Variants in PALS2 observed in about 807,000 individuals in gnomAD.
PALS2 encodes the protein protein associated with LIN7 2, MAGUK p55 family member, also known as protein PALS2.
In PALS2, 27 loss-of-function variants were observed where a neutral mutation model predicts 61.6. The observed-to-expected ratio is 0.44, with a 90% CI of 0.32 to 0.60. The LOEUF is 0.60. PALS2 is among the 20% of genes least tolerant of loss of function. PALS2 has a pLI of 0.05. For missense variants in PALS2, 554 were observed against 639.4 expected, an observed-to-expected ratio of 0.87 and a Z score of 1.44; for synonymous variants, 236 against 218.6, an observed-to-expected ratio of 1.08 and a Z score of -0.70.
At chr7:24,662,450 A>G (rs1233387090) in intron 5 of PALS2, among the ~76,000 whole-genome samples, 2 of 152,190 alleles carry the variant, frequency 1.3e-5, no homozygotes, top group Admixed American at 1.3e-4. Flanking sequence ...ATTTCTATAA[A>G]TATATATAAA....
At chr7:24,615,396 A>G (rs1340538736) in intron 1 of PALS2, among the ~76,000 whole-genome samples, 2 of 151,994 alleles carry the variant, frequency 1.3e-5, no homozygotes, top group Non-Finnish European at 2.9e-5. Flanking sequence ...AAAATCAGAA[A>G]CAAAACATGT....
intron 1 of PALS2, among the ~76,000 whole-genome samples, chr7:24,609,220 T>C (rs1027202322): frequency 6.6e-5 from 10 of 152,182 alleles, no homozygotes; most frequent in African/African-American, 2.2e-4. Flanking sequence ...TTATATCTGA[T>C]GAGGATTTCC....
chr7:24,655,910 G>A (rs1026599139), intron 5 of PALS2, among the ~76,000 whole-genome samples: 1 of 152,100 alleles, frequency 6.6e-6, no homozygotes, highest in Non-Finnish European at 1.5e-5. Context: ...AGAAAGGAAC[G>A]TGGATTGCCC....
chr7:24,674,457 T>G (rs1787460168), intron 9 of PALS2: 1 of 153,068 alleles, frequency 6.5e-6, no homozygotes. Context: ...AAGACAATTA[T>G]CAAGGGCTTA....
chr7:24,684,270 T>G (rs916091373), intron 11 of PALS2, among the ~76,000 whole-genome samples: 1 of 152,198 alleles, frequency 6.6e-6, no homozygotes, highest in African/African-American at 2.4e-5. Context: ...CAGCTAACTT[T>G]TGTATTTTTA....
chr7:24,684,742 G>C (rs78749452), intron 11 of PALS2, among the ~76,000 whole-genome samples: 1,525 of 152,068 alleles, frequency 0.01, 9 homozygotes, highest in Non-Finnish European at 0.015. Flanking sequence ...TATTCTTCTT[G>C]GGCTTTATAT....
intron 7 of PALS2, 98 bp downstream of exon 7, chr7:24,665,785 T>C: frequency 8.7e-7 from 1 of 1,144,222 alleles, no homozygotes; most frequent in East Asian, 2.4e-5. Context: ...TTAAAATATG[T>C]CTAGAATGAA....
intron 1 of PALS2, among the ~76,000 whole-genome samples, chr7:24,586,876 A>G (rs575377020): frequency 6.6e-6 from 1 of 152,200 alleles, no homozygotes; most frequent in African/African-American, 2.4e-5. Context: ...CAAATTCACC[A>G]TGACAAACCA....
At chr7:24,681,038 G>C (rs1292077453) in intron 11 of PALS2, among the ~76,000 whole-genome samples, 1 of 151,938 alleles carries the variant, frequency 6.6e-6, no homozygotes, top group East Asian at 1.9e-4. Context: ...CAAAAGTTTA[G>C]TTCCCCTTTG....
intron 9 of PALS2, among the ~76,000 whole-genome samples, chr7:24,672,212 T>G (rs1189806197): frequency 1.5e-5 from 2 of 132,488 alleles, no homozygotes; most frequent in Admixed American, 7.4e-5. Context: ...TGTTTTGTTT[T>G]GTTTTGTTTT....
intron 1 of PALS2, among the ~76,000 whole-genome samples, chr7:24,602,172 C>G (rs1289876470): frequency 1.3e-5 from 2 of 151,886 alleles, no homozygotes; most frequent in Non-Finnish European, 2.9e-5. Context: ...TTTCTTTCTG[C>G]TTTTGTATTT....
chr7:24,637,482 A>T (rs1459889713), intron 2 of PALS2, among the ~76,000 whole-genome samples: 3 of 152,086 alleles, frequency 2.0e-5, no homozygotes, highest in Admixed American at 1.3e-4. Context: ...AGAATAAAAG[A>T]AGAGGGTGGT....
At chr7:24,613,493 A>G (rs993618357) in intron 1 of PALS2, among the ~76,000 whole-genome samples, 1 of 151,750 alleles carries the variant, frequency 6.6e-6, no homozygotes, top group Non-Finnish European at 1.5e-5. Context: ...GTACATATTT[A>G]TGGGGTACTT....
rs774702657 is a variant in PALS2 at position 24,680,472 on chromosome 7, C to G, written c.1398C>G (p.Ala466=). The G allele has an allele frequency of 6.2e-7, 1 of 1,614,078 alleles. No homozygotes were observed. The highest frequency in any genetic ancestry group is 1.1e-5 in the South Asian group (1 of 91,078). Residue 466 remains alanine (A), a synonymous_variant, in exon 11 of 12, where the codon GCC becomes GCG. Transcript: ENST00000222644. The stretch of plus-strand genomic sequence containing the variant: ...CTCCGGAGCTAGAGACGTTACGTGC[C>G]ATGCACAAGGCTGTGGTGGATGCAG... ...IAAPELETLR[A]MHKAVVDAGI...
rs149515606 is a variant in PALS2 at position 24,630,198 on chromosome 7, A to G, written c.117+6414A>G. Reference sequence around the variant, plus strand: ...TGCAGGGACATTGATAGAGCTGTAAACCATCATTTTCAGCAAAATAACACA... The same window carrying G: ...TGCAGGGACATTGATAGAGCTGTAAGCCATCATTTTCAGCAAAATAACACA... On this transcript the variant is annotated intron_variant, in intron 2 of 11. Coordinates refer to ENST00000222644, the MANE Select transcript of PALS2 (RefSeq NM_001303037.2). Among the ~76,000 whole-genome samples the G allele has an allele frequency of 8.6e-4, 131 of 152,318 alleles. 2 individuals carry two copies. Among genetic ancestry groups the G allele is most frequent in the African/African-American group, 3.0e-3 (125 of 41,570 alleles).
intron 5 of PALS2, 108 bp downstream of exon 5, chr7:24,650,820 T>C: frequency 1.3e-6 from 1 of 790,774 alleles, no homozygotes; most frequent in Non-Finnish European, 1.9e-6. Context: ...AGAGAAAAAA[T>C]TGATTTGAGT....
intron 2 of PALS2, among the ~76,000 whole-genome samples, chr7:24,633,722 C>T (rs1264779541): frequency 2.0e-5 from 3 of 152,052 alleles, no homozygotes; most frequent in African/African-American, 4.8e-5. Context: ...TTCTTGGACA[C>T]ACTTTTATGT....
chr7:24,593,629 G>A (rs1783385081), intron 1 of PALS2, among the ~76,000 whole-genome samples: 1 of 152,140 alleles, frequency 6.6e-6, no homozygotes, highest in African/African-American at 2.4e-5. Flanking sequence ...CATCTGCTGT[G>A]CATGTCTATC....
At chr7:24,680,917 A>G (rs1787893059) in intron 11 of PALS2, among the ~76,000 whole-genome samples, 1 of 152,222 alleles carries the variant, frequency 6.6e-6, no homozygotes, top group African/African-American at 2.4e-5. Flanking sequence ...AATTATGCTT[A>G]TGAAATAAAC....
Sources: allele counts gnomAD v4.1 joint callset (sites outside exome capture counted in the v4.1 genomes callset), GRCh38; gene constraint gnomAD v4.1.1; transcripts MANE v1.5; gene names NCBI Gene and HGNC (gene_info 2026-07-23, HGNC 2026-07-21).